Variants in CHD9 observed in about 807,000 individuals in gnomAD.
The protein encoded by CHD9 is ATP-dependent chromatin remodeler CHD9.
Under a neutral mutation model 316.1 loss-of-function variants are expected in CHD9, and 77 were observed. The ratio of observed to expected loss-of-function variants is 0.24; its 90% CI spans 0.20 to 0.29. CHD9 has a LOEUF of 0.29. Ranked by LOEUF, CHD9 falls within the 10% of genes least tolerant of loss-of-function variation. CHD9 has a pLI of 1.00. For synonymous variants in CHD9, 1,129 were observed against 1,158.3 expected (o/e 0.97, Z 0.51); for missense variants, 2,763 against 3,438.1 (o/e 0.80, Z 4.91).
At chr16:53,099,600 C>T (rs750990971) in intron 1 of CHD9, among the ~76,000 whole-genome samples, 1 of 152,214 alleles carries the variant, frequency 6.6e-6, no homozygotes, top group Non-Finnish European at 1.5e-5. Context: ...TCTCCTTCCT[C>T]CCCTGACAAT....
At chr16:53,069,968 T>A (rs1275041977) in intron 1 of CHD9, among the ~76,000 whole-genome samples, 1 of 152,176 alleles carries the variant, frequency 6.6e-6, no homozygotes, top group Admixed American at 6.5e-5. Context: ...AAGTGGTATC[T>A]CATTGTGGTT....
chr16:53,226,598 T>A, intron 5 of CHD9, 86 bp downstream of exon 5: 1 of 1,434,812 alleles, frequency 7.0e-7, no homozygotes, highest in South Asian at 1.3e-5. Flanking sequence ...CTACTAAAAA[T>A]TGCTCTAACT....
intron 36 of CHD9, 99 bp downstream of exon 36, chr16:53,315,143 T>C (rs2056784059): frequency 1.1e-5 from 9 of 806,322 alleles, no homozygotes; most frequent in Non-Finnish European, 1.6e-5. Context: ...GCTAAATATG[T>C]GCTCTGCCTA....
intron 1 of CHD9, among the ~76,000 whole-genome samples, chr16:53,089,185 C>G (rs1050759118): frequency 2.6e-5 from 4 of 151,910 alleles, no homozygotes; most frequent in African/African-American, 7.3e-5. Context: ...ACTTGAGAGG[C>G]TGAGGCAGGT....
chr16:53,288,538 A>G (rs1360225284), intron 27 of CHD9, among the ~76,000 whole-genome samples: 4 of 152,190 alleles, frequency 2.6e-5, no homozygotes, highest in African/African-American at 7.2e-5. Flanking sequence ...AGGAATGTCT[A>G]ATATTTATGA....
At chr16:53,184,807 A>G (rs940424057) in intron 2 of CHD9, among the ~76,000 whole-genome samples, 3 of 152,126 alleles carry the variant, frequency 2.0e-5, no homozygotes, top group Non-Finnish European at 4.4e-5. Flanking sequence ...GGCAGTTTCC[A>G]CCATCCTGTT....
At chr16:53,209,873 C>A in intron 3 of CHD9, 60 bp downstream of exon 3, 1 of 1,176,100 alleles carries the variant, frequency 8.5e-7, no homozygotes, top group Non-Finnish European at 1.2e-6. Context: ...TTCAAACTGT[C>A]CAACCATCTA....
intron 20 of CHD9, among the ~76,000 whole-genome samples, chr16:53,265,131 G>C (rs1273802729): frequency 1.3e-5 from 2 of 152,106 alleles, no homozygotes; most frequent in Non-Finnish European, 2.9e-5. Context: ...GGGCACAGTG[G>C]CTCATTCCTG....
At chr16:53,119,085 C>T (rs1178409054) in intron 1 of CHD9, among the ~76,000 whole-genome samples, 1 of 152,006 alleles carries the variant, frequency 6.6e-6, no homozygotes, top group Non-Finnish European at 1.5e-5. Flanking sequence ...AGCCACCATG[C>T]CTGGCCTAAG....
chr16:53,146,421 A>ATGTATT, intron 1 of CHD9, among the ~76,000 whole-genome samples: 1 of 117,366 alleles, frequency 8.5e-6, no homozygotes, highest in South Asian at 2.5e-4. Flanking sequence ...GTGTGTATGT[A>ATGTATT]TATATATATA....
At chr16:53,244,857 C>T (rs910207970) in intron 13 of CHD9, among the ~76,000 whole-genome samples, 2 of 151,886 alleles carry the variant, frequency 1.3e-5, no homozygotes, top group Admixed American at 6.6e-5. Flanking sequence ...GTCTGGGTAC[C>T]GTGGCTCACA....
In CHD9 at chr16:53,304,683, CTTTTCTTTTCTT is replaced by C. The variant is rs1281019965; in HGVS notation, c.6619+63_6619+74del. ...CATAACTTTTCTTTTCTTTTCTTTT[CTTTTCTTTTCTT>C]TTTTTTTTTTTTTTTTGAGATGGAG... On this transcript the variant is annotated intron_variant, in intron 31 of 38. Coordinates refer to ENST00000447540, the MANE Select transcript of CHD9 (RefSeq NM_001308319.2). 9,723 of 1,038,824 alleles carry C rather than the reference CTTTTCTTTTCTT, an allele frequency of 9.4e-3. 10 individuals carry two copies. Among genetic ancestry groups the C allele is most frequent in the African/African-American group, 0.032 (1,829 of 56,540 alleles). 64.4% of individuals were successfully genotyped at this position (1,038,824 alleles called of 1,614,324 possible).
chr16:53,220,805 T>C lies in CHD9; in HGVS notation c.1785-1839T>C, dbSNP rs148159268. ...TCTGCTGCCTCCTTCTGGGGTACTC[T>C]GTGTATTCCTGTCATGCTATTACCA... On this transcript the variant is annotated intron_variant, in intron 3 of 38. Transcript: ENST00000447540. Among the ~76,000 whole-genome samples, 15 of 152,348 alleles carry C rather than the reference T, an allele frequency of 9.8e-5. No individual in the cohort carries two copies. In the East Asian group the frequency reaches 2.1e-3, roughly 22 times the overall value.
chr16:53,081,865 GAATGAATA>G (rs1433297624), intron 1 of CHD9, among the ~76,000 whole-genome samples: 3 of 151,882 alleles, frequency 2.0e-5, no homozygotes, highest in African/African-American at 4.8e-5. Flanking sequence ...ATGAATGAAT[GAATGAATA>G]AACCAATAAC....
chr16:53,225,474 CTTTG>C (rs1172191296), intron 4 of CHD9, among the ~76,000 whole-genome samples: 2 of 151,970 alleles, frequency 1.3e-5, no homozygotes, highest in African/African-American at 4.8e-5. Flanking sequence ...AGAGATGTAA[CTTTG>C]TTTTTGTTTT....
At chr16:53,065,544 G>A (rs145183885) in intron 1 of CHD9, among the ~76,000 whole-genome samples, 1 of 150,600 alleles carries the variant, frequency 6.6e-6, no homozygotes, top group East Asian at 2.0e-4. Flanking sequence ...CTGGGTGGGA[G>A]GATTGCTTGA....
intron 1 of CHD9, among the ~76,000 whole-genome samples, chr16:53,118,674 T>A (rs894593824): frequency 6.6e-6 from 1 of 152,012 alleles, no homozygotes; most frequent in Non-Finnish European, 1.5e-5. Flanking sequence ...TTAATACGCA[T>A]CCTCAGCCAA....
intron 2 of CHD9, among the ~76,000 whole-genome samples, chr16:53,199,625 G>C (rs187188039): frequency 5.9e-4 from 90 of 152,174 alleles, no homozygotes; most frequent in African/African-American, 1.9e-3. Context: ...ACCTTTTAGA[G>C]TCTCCAGTGT....
At chr16:53,252,060 T>G (rs976708818) in intron 17 of CHD9, among the ~76,000 whole-genome samples, 2 of 152,070 alleles carry the variant, frequency 1.3e-5, no homozygotes, top group Admixed American at 1.3e-4. Flanking sequence ...ATTCTAAAAT[T>G]CATATAGAAC....
Sources: allele counts gnomAD v4.1 joint callset (sites outside exome capture counted in the v4.1 genomes callset), GRCh38; gene constraint gnomAD v4.1.1; transcripts MANE v1.5; gene names NCBI Gene and HGNC (gene_info 2026-07-23, HGNC 2026-07-21).